Variants in JMJD1C observed in about 807,000 individuals in gnomAD.
JMJD1C encodes jumonji domain-containing protein 1C.
JMJD1C carries 31 observed loss-of-function variants against 245.3 expected under a neutral mutation model. The observed-to-expected ratio is 0.13, with a 90% CI of 0.09 to 0.17. The LOEUF (loss-of-function observed/expected upper bound fraction) is 0.17, where lower values mean the gene tolerates loss of function less well. Ranked by LOEUF, JMJD1C falls within the 10% of genes least tolerant of loss-of-function variation. JMJD1C has a pLI of 1.00. For missense variants in JMJD1C, 2,691 were observed against 3,000.2 expected, an observed-to-expected ratio of 0.90 and a Z score of 2.41; for synonymous variants, 1,057 against 1,017.4, an observed-to-expected ratio of 1.04 and a Z score of -0.74.
chr10:63,209,138 T>C lies in JMJD1C; in HGVS notation c.2792A>G (p.Glu931Gly). ...SHIPVRPSSAEPHRPLKITAH... is the reference protein window; with the variant it reads ...SHIPVRPSSAGPHRPLKITAH... ...TGTAATTTTAAGAGGCCGATGAGGC[T>C]CTGCACTGGAAGGTCTGACAGGAAT... Residue 931 changes from glutamate (E) to glycine (G), a missense_variant, in exon 9 of 26, where the codon GAG becomes GGG. By Grantham distance (98) the Glu-to-Gly change is moderately conservative (BLOSUM62 -2). Transcript: ENST00000399262. The C allele has an allele frequency of 1.2e-6, 2 of 1,614,042 alleles. No individual in the cohort carries two copies. Among genetic ancestry groups the C allele is most frequent in the Non-Finnish European group, 1.7e-6 (2 of 1,179,920 alleles).
At chr10:63,426,740 C>T (rs1950463519) in intron 1 of JMJD1C, among the ~76,000 whole-genome samples, 2 of 152,064 alleles carry the variant, frequency 1.3e-5, no homozygotes, top group Admixed American at 1.3e-4. Context: ...AATCTCATTT[C>T]ACAAGAAAGA....
At chr10:63,445,225 G>A (rs1440650585) in intron 1 of JMJD1C, among the ~76,000 whole-genome samples, 1 of 152,160 alleles carries the variant, frequency 6.6e-6, no homozygotes, top group Admixed American at 6.5e-5. Flanking sequence ...GTCTTTAAAT[G>A]ATTTTTATTT....
chr10:63,206,465 T>G, intron 10 of JMJD1C, 130 bp downstream of exon 10: 2 of 607,634 alleles, frequency 3.3e-6, no homozygotes, highest in Admixed American at 3.4e-5. Flanking sequence ...AATGAGCATA[T>G]ACATAAAGCT....
At chr10:63,308,986 T>C (rs747443059) in intron 2 of JMJD1C, among the ~76,000 whole-genome samples, 2 of 152,150 alleles carry the variant, frequency 1.3e-5, no homozygotes, top group Non-Finnish European at 2.9e-5. Flanking sequence ...GAAAACAGAA[T>C]GGCAGAATGG....
At chr10:63,223,666 A>G (rs1296220567) in intron 3 of JMJD1C, among the ~76,000 whole-genome samples, 1 of 152,214 alleles carries the variant, frequency 6.6e-6, no homozygotes, top group Non-Finnish European at 1.5e-5. Context: ...ATAATGGGCT[A>G]TAAAACCAGT....
At chr10:63,266,198 A>C (rs1198228609) in intron 2 of JMJD1C, among the ~76,000 whole-genome samples, 4 of 152,138 alleles carry the variant, frequency 2.6e-5, no homozygotes, top group Non-Finnish European at 4.4e-5. Flanking sequence ...TAAGATCAGA[A>C]AATCTAGTCA....
At chr10:63,281,320 TTG>T (rs1396520064) in intron 2 of JMJD1C, among the ~76,000 whole-genome samples, 2 of 143,586 alleles carry the variant, frequency 1.4e-5, no homozygotes. Context: ...TTTTTTTTTT[TTG>T]TTTGTTTTTT....
chr10:63,236,788 ATAAAG>A lies in JMJD1C; in HGVS notation c.448-16810_448-16806del, dbSNP rs200389740. Among the ~76,000 whole-genome samples, 362 of 152,304 alleles carry A rather than the reference ATAAAG, an allele frequency of 2.4e-3. 2 individuals are homozygous for A. In the South Asian group the frequency reaches 0.029, roughly 12 times the overall value. Reference sequence around the variant, plus strand: ...AAAAGAAGTAAAATTATATACTTGTATAAAGTATTCTACTGAAAATTCCTGTGCAC... The same window carrying A: ...AAAAGAAGTAAAATTATATACTTGTATATTCTACTGAAAATTCCTGTGCAC... On this transcript the variant is annotated intron_variant, in intron 3 of 25. Coordinates refer to ENST00000399262, the MANE Select transcript of JMJD1C (RefSeq NM_032776.3).
At chr10:63,242,135 C>T (rs1261977456) in intron 3 of JMJD1C, among the ~76,000 whole-genome samples, 1 of 152,010 alleles carries the variant, frequency 6.6e-6, no homozygotes, top group African/African-American at 2.4e-5. Flanking sequence ...GAAAAGAATG[C>T]CAAATGATAT....
At chr10:63,190,680 G>A (rs953460347) in intron 17 of JMJD1C, among the ~76,000 whole-genome samples, 5 of 151,950 alleles carry the variant, frequency 3.3e-5, no homozygotes, top group African/African-American at 1.2e-4. Context: ...TTCTGGAATC[G>A]AAGAGCACCC....
chr10:63,514,303 T>C (rs1228674188), intron 1 of JMJD1C, among the ~76,000 whole-genome samples: 1 of 152,072 alleles, frequency 6.6e-6, no homozygotes. Context: ...GAAAAACCAT[T>C]GTACCAAAAA....
chr10:63,351,669 A>C (rs932045335), intron 2 of JMJD1C, among the ~76,000 whole-genome samples: 10 of 152,184 alleles, frequency 6.6e-5, no homozygotes, highest in African/African-American at 1.4e-4. Context: ...CATGCAAAGA[A>C]GACTAACAAG....
At chr10:63,504,871 G>A (rs1954669697) in intron 1 of JMJD1C, among the ~76,000 whole-genome samples, 1 of 152,070 alleles carries the variant, frequency 6.6e-6, no homozygotes, top group Non-Finnish European at 1.5e-5. Flanking sequence ...AAAATAAAAT[G>A]TTAGCCGAGC....
At chr10:63,346,571 T>C (rs997794719) in intron 2 of JMJD1C, among the ~76,000 whole-genome samples, 5 of 152,180 alleles carry the variant, frequency 3.3e-5, no homozygotes, top group Non-Finnish European at 5.9e-5. Context: ...ATAAAGCAAA[T>C]AAACTATAAC....
intron 2 of JMJD1C, among the ~76,000 whole-genome samples, chr10:63,310,462 A>G (rs1463748543): frequency 6.6e-6 from 1 of 152,202 alleles, no homozygotes; most frequent in Non-Finnish European, 1.5e-5. Flanking sequence ...AATGAATCAG[A>G]AACAGTCCTA....
chr10:63,500,441 A>T (rs2133246674), intron 1 of JMJD1C, among the ~76,000 whole-genome samples: 1 of 151,736 alleles, frequency 6.6e-6, no homozygotes, highest in African/African-American at 2.4e-5. Flanking sequence ...AAAAAAAAAA[A>T]AAAGAACTGT....
chr10:63,378,254 T>A (rs766035369), intron 2 of JMJD1C, among the ~76,000 whole-genome samples: 1 of 152,094 alleles, frequency 6.6e-6, no homozygotes, highest in African/African-American at 2.4e-5. Context: ...CAGTATTTTA[T>A]GAATACAACA....
At chr10:63,278,974 G>A (rs1857114863) in intron 2 of JMJD1C, among the ~76,000 whole-genome samples, 1 of 152,086 alleles carries the variant, frequency 6.6e-6, no homozygotes, top group Non-Finnish European at 1.5e-5. Flanking sequence ...GGCTGGCTAC[G>A]CACGGTAGCT....
chr10:63,234,218 C>A (rs577142849), intron 3 of JMJD1C, among the ~76,000 whole-genome samples: 29 of 147,266 alleles, frequency 2.0e-4, no homozygotes, highest in Middle Eastern at 6.8e-3. Context: ...TGTTTAGAGT[C>A]TCTTGAAAAC....
Sources: allele counts gnomAD v4.1 joint callset (sites outside exome capture counted in the v4.1 genomes callset), GRCh38; gene constraint gnomAD v4.1.1; transcripts MANE v1.5; gene names NCBI Gene and HGNC (gene_info 2026-07-23, HGNC 2026-07-21).